The following PDZD2 variants were observed in gnomAD, a reference collection of about 807,000 sequenced individuals.
PDZD2 encodes PDZ domain-containing protein 2.
Under a neutral mutation model 220.7 loss-of-function variants are expected in PDZD2, and 90 were observed. The ratio of observed to expected loss-of-function variants is 0.41; its 90% CI spans 0.34 to 0.49. The LOEUF (loss-of-function observed/expected upper bound fraction) is 0.49, where lower values mean the gene tolerates loss of function less well. Ranked by LOEUF, PDZD2 falls within the 20% of genes least tolerant of loss-of-function variation. The pLI is 0.28. For missense variants in PDZD2, 3,174 were observed against 3,608.5 expected (o/e 0.88, Z 3.08); for synonymous variants, 1,375 against 1,450.5 (o/e 0.95, Z 1.18).
chr5:31,888,081 C>T (rs542719071), intron 2 of PDZD2, among the ~76,000 whole-genome samples: 158 of 152,220 alleles, frequency 1.0e-3, no homozygotes, highest in African/African-American at 3.3e-3. Context: ...ATTTGGATGG[C>T]GCAGATATTG....
chr5:31,963,792 C>T (rs917239173), intron 2 of PDZD2, among the ~76,000 whole-genome samples: 2 of 152,188 alleles, frequency 1.3e-5, no homozygotes, highest in South Asian at 2.1e-4. Flanking sequence ...GGCAGAAGAG[C>T]GTGGCTTGCA....
At chr5:31,868,094 A>G (rs1225287543) in intron 2 of PDZD2, among the ~76,000 whole-genome samples, 3 of 152,166 alleles carry the variant, frequency 2.0e-5, no homozygotes, top group African/African-American at 2.4e-5. Context: ...GGTATGTCAC[A>G]TGGTCACCTC....
intron 2 of PDZD2, among the ~76,000 whole-genome samples, chr5:31,978,191 T>C (rs939769086): frequency 6.6e-6 from 1 of 152,116 alleles, no homozygotes; most frequent in Non-Finnish European, 1.5e-5. Flanking sequence ...ACCATACCTG[T>C]TTATGGAGAG....
At chr5:31,715,461 T>C (rs1270673025) in intron 1 of PDZD2, among the ~76,000 whole-genome samples, 1 of 152,224 alleles carries the variant, frequency 6.6e-6, no homozygotes, top group African/African-American at 2.4e-5. Context: ...AGGATCTATT[T>C]TGTGATCATT....
intron 22 of PDZD2, among the ~76,000 whole-genome samples, chr5:32,097,804 C>T (rs937636599): frequency 1.3e-5 from 2 of 152,136 alleles, no homozygotes; most frequent in Admixed American, 6.5e-5. Flanking sequence ...CATTCATCTT[C>T]GTATTCCCAT....
At chr5:31,907,495 A>G (rs1742764337) in intron 2 of PDZD2, among the ~76,000 whole-genome samples, 1 of 152,362 alleles carries the variant, frequency 6.6e-6, no homozygotes, top group Non-Finnish European at 1.5e-5. Context: ...TATTAGTCAT[A>G]AATGACATAA....
chr5:31,893,572 A>C (rs1193050104), intron 2 of PDZD2, among the ~76,000 whole-genome samples: 1 of 117,806 alleles, frequency 8.5e-6, no homozygotes, highest in East Asian at 3.3e-4. Context: ...TCTGTCTCAA[A>C]ACAAACAAAA....
intron 2 of PDZD2, among the ~76,000 whole-genome samples, chr5:31,800,444 G>A (rs1221644575): frequency 6.6e-6 from 1 of 152,168 alleles, no homozygotes; most frequent in East Asian, 1.9e-4. Flanking sequence ...TAAACATGGA[G>A]TACCTGTGTG....
intron 2 of PDZD2, among the ~76,000 whole-genome samples, chr5:31,863,787 T>C (rs1036907140): frequency 2.6e-5 from 4 of 152,222 alleles, no homozygotes; most frequent in African/African-American, 7.2e-5. Flanking sequence ...ATTTCTGTTT[T>C]TGTAACTTAC....
chr5:32,009,215 G>A (rs1303676764), intron 5 of PDZD2, among the ~76,000 whole-genome samples: 1 of 151,414 alleles, frequency 6.6e-6, no homozygotes, highest in Non-Finnish European at 1.5e-5. Context: ...ATGGTGGCGT[G>A]TGCCTGTAGT....
At chr5:32,049,151 G>A (rs572632137) in intron 8 of PDZD2, among the ~76,000 whole-genome samples, 2 of 152,146 alleles carry the variant, frequency 1.3e-5, no homozygotes, top group Admixed American at 6.5e-5. Context: ...AGGTCATGGG[G>A]GGCTGTAGAG....
chr5:31,811,075 C>T (rs1755084075), intron 2 of PDZD2, among the ~76,000 whole-genome samples: 1 of 152,286 alleles, frequency 6.6e-6, no homozygotes, highest in East Asian at 1.9e-4. Flanking sequence ...GCAACCTCCG[C>T]CTCCCGGCTT....
In PDZD2 at chr5:31,950,497, A is replaced by G. The variant is rs934338698; in HGVS notation, c.477-32658A>G. Among the ~76,000 whole-genome samples the G allele has an allele frequency of 2.6e-5, 4 of 152,284 alleles. No homozygotes were observed. The South Asian group carries it at 8.3e-4, about 32-fold the overall frequency. Reference sequence around the variant, plus strand: ...GAGGATTGGTTTGCATTTTGAGTTGAGTATTTTTTTATTATTATTAAGTCA... The same window carrying G: ...GAGGATTGGTTTGCATTTTGAGTTGGGTATTTTTTTATTATTATTAAGTCA... On this transcript the variant is annotated intron_variant, in intron 2 of 24. Coordinates refer to ENST00000438447, the MANE Select transcript of PDZD2 (RefSeq NM_178140.4).
At chr5:31,711,725 A>G (rs893012104) in intron 1 of PDZD2, among the ~76,000 whole-genome samples, 6 of 152,062 alleles carry the variant, frequency 3.9e-5, no homozygotes, top group Non-Finnish European at 8.8e-5. Context: ...GGCCATGGCA[A>G]ACTTCAGCAG....
intron 2 of PDZD2, among the ~76,000 whole-genome samples, chr5:31,961,458 T>C (rs1748224868): frequency 6.6e-6 from 1 of 151,642 alleles, no homozygotes. Flanking sequence ...TCCCTTGAGC[T>C]CAGGAGGTCG....
intron 1 of PDZD2, chr5:31,661,228 G>A (rs992516166): frequency 6.6e-6 from 1 of 152,240 alleles, no homozygotes; most frequent in Non-Finnish European, 1.5e-5. Context: ...TGTGGCTCAT[G>A]CTGAGGAGGT....
At chr5:31,701,907 G>GA (rs1747626973) in intron 1 of PDZD2, among the ~76,000 whole-genome samples, 1 of 152,208 alleles carries the variant, frequency 6.6e-6, no homozygotes, top group Admixed American at 6.5e-5. Flanking sequence ...ATCTGATCTG[G>GA]AGGTTCCCTC....
Position 31,839,920 on chromosome 5 carries a change from C to T in PDZD2, c.476+40196C>T, listed in dbSNP as rs182761890. ...GTGAAGAAGGACACGTTTGCTTCCC[C>T]TTCTGCCATGATTGTTAAGTTTCCT... On this transcript the variant is annotated intron_variant, in intron 2 of 24. Transcript: ENST00000438447. 1.3e-4 allele frequency among the ~76,000 whole-genome samples: 20 copies of T among 152,304 alleles called. No individual in the cohort carries two copies. The East Asian group carries it at 3.3e-3, about 25-fold the overall frequency.
intron 1 of PDZD2, among the ~76,000 whole-genome samples, chr5:31,740,993 T>C (rs1750226010): frequency 6.6e-6 from 1 of 152,238 alleles, no homozygotes; most frequent in Non-Finnish European, 1.5e-5. Context: ...TTCAAACTGA[T>C]GTCTTATCCT....
Sources: allele counts gnomAD v4.1 joint callset (sites outside exome capture counted in the v4.1 genomes callset), GRCh38; gene constraint gnomAD v4.1.1; transcripts MANE v1.5; gene names NCBI Gene and HGNC (gene_info 2026-07-23, HGNC 2026-07-21).